Variants in ATP5MK observed in about 807,000 individuals in gnomAD.
ATP5MK encodes the protein ATP synthase membrane subunit k.
ATP5MK carries 5 observed loss-of-function variants against 6.6 expected under a neutral mutation model. The ratio of observed to expected loss-of-function variants is 0.76; its 90% CI spans 0.40 to 1.60. ATP5MK has a LOEUF of 1.60. Ranked by LOEUF, ATP5MK falls within the 40% of genes most tolerant of loss-of-function variation. The pLI, the probability that ATP5MK is intolerant of heterozygous loss-of-function variation, is 0.02. For missense variants in ATP5MK, 57 were observed against 66.6 expected (o/e 0.86, Z 0.50); for synonymous variants, 30 against 24.5 (o/e 1.22, Z -0.66).
rs1273569719 is a variant in ATP5MK at position 103,396,433 on chromosome 10, C to G, written c.-321G>C. 1 of 152,498 alleles carries G rather than the reference C, an allele frequency of 6.6e-6. No individual in the cohort carries two copies. The highest frequency in any genetic ancestry group is 2.1e-4 in the South Asian group (1 of 4,838). 9.4% of individuals were successfully genotyped at this position (152,498 alleles called of 1,614,324 possible). On this transcript the variant is annotated 5_prime_UTR_variant, in exon 1 of 5. Transcript: ENST00000369815. The stretch of plus-strand genomic sequence containing the variant: ...CCTGCCAAAGCCGCAAATTCCGCAG[C>G]TGGTGTCCTTCAACGAATGTAACCA...
At chr10:103,389,249 C>T (rs1395633341) in intron 4 of ATP5MK, 83 bp from the exon 5 acceptor site, 1 of 152,196 alleles carries the variant, frequency 6.6e-6, no homozygotes. Flanking sequence ...GTAACATGAA[C>T]CCACTGAAAC....
At chr10:103,395,001 G>A (rs2093426813) in intron 2 of ATP5MK, among the ~76,000 whole-genome samples, 2 of 152,138 alleles carry the variant, frequency 1.3e-5, no homozygotes, top group South Asian at 4.1e-4. Flanking sequence ...ATATCCCACA[G>A]AAGACTAATT....
At chr10:103,390,790 CAAAAAAA>C (rs879504860) in intron 4 of ATP5MK, among the ~76,000 whole-genome samples, 1 of 140,598 alleles carries the variant, frequency 7.1e-6, no homozygotes, top group Non-Finnish European at 1.6e-5. Flanking sequence ...AACTCCATCT[CAAAAAAA>C]AAAAAGTCTG....
At chr10:103,396,320 G>C (rs1213919130) in intron 1 of ATP5MK, 89 bp downstream of exon 1, 2 of 152,250 alleles carry the variant, frequency 1.3e-5, no homozygotes, top group African/African-American at 4.8e-5. Flanking sequence ...CCAAAGCTAA[G>C]AACTCGAGTT....
In ATP5MK at chr10:103,392,374, C is replaced by T. The variant is rs753216612; in HGVS notation, c.84G>A (p.Met28Ile). 2 of 1,601,230 alleles carry T rather than the reference C, an allele frequency of 1.2e-6. No homozygotes were observed. The highest frequency in any genetic ancestry group is 1.7e-6 in the Non-Finnish European group (2 of 1,175,322). The change falls in exon 3 of 5, where the codon ATG becomes ATA. Residue 28 changes from methionine (M) to isoleucine (I), a missense_variant. Met to Ile is a conservative substitution (Grantham distance 10). Transcript: ENST00000369815. ...YFNSYTLTGRMNCVLATYGSI... is the reference protein window; with the variant it reads ...YFNSYTLTGRINCVLATYGSI... ...GCTTAAAGTTATCAATACTTACGTT[C>T]ATTCTACCTGTGAGAGTATAAGAGT...
At chr10:103,392,594 A>G (rs1348581304) in intron 2 of ATP5MK, 128 bp from the exon 3 acceptor site, 2 of 656,050 alleles carry the variant, frequency 3.0e-6, no homozygotes, top group Non-Finnish European at 5.1e-6. Context: ...TTTTATCTAT[A>G]TCTCACCCAA....
intron 2 of ATP5MK, among the ~76,000 whole-genome samples, chr10:103,395,157 C>A (rs576526594): frequency 6.6e-6 from 1 of 151,994 alleles, no homozygotes; most frequent in Non-Finnish European, 1.5e-5. Flanking sequence ...GGAGTAAGGT[C>A]GAAAAATTTG....
intron 1 of ATP5MK, 24 bp from the exon 2 acceptor site, chr10:103,396,056 G>C (rs2093433075): frequency 6.6e-6 from 1 of 152,386 alleles, no homozygotes; most frequent in East Asian, 1.9e-4. Flanking sequence ...GAAGAAAAGA[G>C]GTTAATTCGG....
intron 2 of ATP5MK, among the ~76,000 whole-genome samples, chr10:103,393,309 C>T (rs188439166): frequency 5.9e-5 from 9 of 152,206 alleles, no homozygotes; most frequent in South Asian, 2.1e-4. Context: ...CAGCCTGGCA[C>T]GGTGGCTCAT....
chr10:103,390,418 C>T (rs929782628), intron 4 of ATP5MK, among the ~76,000 whole-genome samples: 3 of 151,506 alleles, frequency 2.0e-5, no homozygotes, highest in Admixed American at 6.6e-5. Context: ...CACTTGAGCC[C>T]GGGAAGCAGA....
intron 4 of ATP5MK, among the ~76,000 whole-genome samples, chr10:103,389,839 C>G (rs1417933762): frequency 1.3e-5 from 2 of 152,002 alleles, no homozygotes; most frequent in East Asian, 3.9e-4. Flanking sequence ...TCAAGTGATT[C>G]TCACGCCTCA....
chr10:103,390,489 CAAAAA>C (rs909462667), intron 4 of ATP5MK, among the ~76,000 whole-genome samples: 17 of 151,290 alleles, frequency 1.1e-4, no homozygotes, highest in African/African-American at 4.1e-4. Context: ...GCTAGAGTCT[CAAAAA>C]GAAAAATATC....
chr10:103,392,678 C>T (rs914907578), intron 2 of ATP5MK, among the ~76,000 whole-genome samples: 6 of 152,144 alleles, frequency 3.9e-5, no homozygotes, highest in African/African-American at 1.2e-4. Flanking sequence ...TTACCTTGAT[C>T]GCTATTTCAT....
At chr10:103,393,208 G>A (rs2093419609) in intron 2 of ATP5MK, among the ~76,000 whole-genome samples, 1 of 152,076 alleles carries the variant, frequency 6.6e-6, no homozygotes, top group Non-Finnish European at 1.5e-5. Context: ...CATCAAACAA[G>A]CAAAAATAAA....
chr10:103,390,217 C>T (rs1357133254), intron 4 of ATP5MK, among the ~76,000 whole-genome samples: 1 of 152,152 alleles, frequency 6.6e-6, no homozygotes, highest in Non-Finnish European at 1.5e-5. Context: ...AGAGGCCAGG[C>T]ACAGTGGCTC....
At chr10:103,394,180 G>A (rs2093423018) in intron 2 of ATP5MK, 2 of 409,978 alleles carry the variant, frequency 4.9e-6, no homozygotes, top group South Asian at 1.9e-5. Context: ...TATAGCAAAG[G>A]CAGCTTAATC....
chr10:103,389,933 T>C (rs887801104), intron 4 of ATP5MK, among the ~76,000 whole-genome samples: 2 of 151,406 alleles, frequency 1.3e-5, no homozygotes, highest in African/African-American at 4.9e-5. Flanking sequence ...GGTTTCACCA[T>C]GTTGGCCAGG....
At position 103,392,230 on chromosome 10, in the gene ATP5MK, T is replaced by G. The variant is rs753271973; in HGVS notation, c.141A>C (p.Leu47Phe). 1.9e-5 allele frequency: 31 copies of G among 1,613,554 alleles called. No individual in the cohort carries two copies. In the East Asian group the frequency reaches 6.2e-4, roughly 33 times the overall value. ...SIALIVLYFK[L>F]RSKKTPAVKA... ...TCACAGCTGGAGTTTTTTTGGACCT[T>G]AACTTGAAATATAAGACAATCAATG... The change falls in exon 4 of 5, where the codon TTA (leucine) becomes TTC (phenylalanine). Residue 47 changes from leucine to phenylalanine, a missense_variant. Transcript: ENST00000369815.
At chr10:103,390,090 A>C (rs992272498) in intron 4 of ATP5MK, among the ~76,000 whole-genome samples, 4 of 152,166 alleles carry the variant, frequency 2.6e-5, no homozygotes, top group Non-Finnish European at 5.9e-5. Flanking sequence ...TAATTAATAT[A>C]AAAAATTGGG....
Sources: gnomAD v4.1 joint callset for allele counts (sites outside exome capture counted in the v4.1 genomes callset) on GRCh38, gnomAD v4.1.1 for gene constraint, MANE v1.5 for transcripts, NCBI Gene and HGNC (gene_info 2026-07-23, HGNC 2026-07-21) for gene names.